Variants in ADGRL3 observed in about 807,000 individuals in gnomAD.
The protein encoded by ADGRL3 is adhesion G protein-coupled receptor L3, also known as calcium-independent alpha-latrotoxin receptor 3.
Under a neutral mutation model 153.5 loss-of-function variants are expected in ADGRL3, and 62 were observed. That is an observed-to-expected ratio of 0.40 (90% CI 0.33 to 0.50). The LOEUF (loss-of-function observed/expected upper bound fraction) is 0.50. ADGRL3 is among the 20% of genes least tolerant of loss of function. The probability of loss-of-function intolerance (pLI) is 0.47; values close to 1 mark genes in which losing one functional copy is unlikely to be tolerated. For missense variants in ADGRL3, 1,641 were observed against 1,859.4 expected, an observed-to-expected ratio of 0.88 and a Z score of 2.16; for synonymous variants, 710 against 672.5, an observed-to-expected ratio of 1.06 and a Z score of -0.86.
intron 21 of ADGRL3, among the ~76,000 whole-genome samples, chr4:62,002,472 T>C (rs2099143847): frequency 6.6e-6 from 1 of 151,634 alleles, no homozygotes; most frequent in African/African-American, 2.4e-5. Flanking sequence ...CTAAATTTAT[T>C]GCAAGTCATC....
chr4:61,858,145 T>C (rs1280591757), intron 9 of ADGRL3, among the ~76,000 whole-genome samples: 1 of 152,196 alleles, frequency 6.6e-6, no homozygotes, highest in African/African-American at 2.4e-5. Flanking sequence ...ACATAACCAA[T>C]GGCAGTAAAT....
chr4:61,714,221 G>GCACACACACACACA (rs57350284), intron 6 of ADGRL3, among the ~76,000 whole-genome samples: 3,727 of 150,834 alleles, frequency 0.025, 51 homozygotes, highest in East Asian at 0.069. Flanking sequence ...TGTAAAATAC[G>GCACACACACACACA]CACACACACA....
At chr4:61,225,801 T>C (rs192141786) in intron 1 of ADGRL3, among the ~76,000 whole-genome samples, 60 of 152,302 alleles carry the variant, frequency 3.9e-4, no homozygotes, top group Admixed American at 2.0e-3. Flanking sequence ...ACAGTCAAAA[T>C]GTTCTCCTTT....
intron 8 of ADGRL3, among the ~76,000 whole-genome samples, chr4:61,754,616 ATATT>A (rs59784397): frequency 6.6e-6 from 1 of 151,012 alleles, no homozygotes; most frequent in African/African-American, 2.4e-5. Flanking sequence ...GTATATATAT[ATATT>A]TATTTATTAT....
At chr4:61,474,278 A>G (rs997676438) in intron 2 of ADGRL3, among the ~76,000 whole-genome samples, 1 of 152,152 alleles carries the variant, frequency 6.6e-6, no homozygotes, top group Non-Finnish European at 1.5e-5. Flanking sequence ...TAAATAGGGA[A>G]AATAACAGAA....
At chr4:61,544,576 T>A (rs976577959) in intron 4 of ADGRL3, among the ~76,000 whole-genome samples, 6 of 152,216 alleles carry the variant, frequency 3.9e-5, no homozygotes, top group African/African-American at 1.4e-4. Context: ...TTTTCCCTTT[T>A]GGTTTTATAT....
intron 1 of ADGRL3, among the ~76,000 whole-genome samples, chr4:61,218,321 T>G (rs994444437): frequency 6.6e-6 from 1 of 151,940 alleles, no homozygotes; most frequent in Non-Finnish European, 1.5e-5. Context: ...TGCTTCTTTT[T>G]TTTTTTGGAG....
chr4:61,508,308 A>G (rs2098443034), intron 3 of ADGRL3, among the ~76,000 whole-genome samples: 2 of 152,218 alleles, frequency 1.3e-5, no homozygotes, highest in African/African-American at 4.8e-5. Flanking sequence ...CCAATTAAAA[A>G]GCAATCTTAA....
At chr4:61,960,116 C>G (rs570846892) in intron 17 of ADGRL3, among the ~76,000 whole-genome samples, 1 of 152,090 alleles carries the variant, frequency 6.6e-6, no homozygotes, top group African/African-American at 2.4e-5. Context: ...CAAAAGCTAA[C>G]CTTTTAGAAC....
At chr4:61,296,309 A>G (rs1578164572) in intron 1 of ADGRL3, among the ~76,000 whole-genome samples, 1 of 142,214 alleles carries the variant, frequency 7.0e-6, no homozygotes, top group Non-Finnish European at 1.6e-5. Context: ...AATGAAACAG[A>G]AGGCTGAGTG....
At chr4:61,878,379 A>C (rs1167104623) in intron 9 of ADGRL3, among the ~76,000 whole-genome samples, 1 of 152,246 alleles carries the variant, frequency 6.6e-6, no homozygotes, top group Admixed American at 6.5e-5. Flanking sequence ...TCTGCAGTCA[A>C]GTTAATGATC....
intron 19 of ADGRL3, among the ~76,000 whole-genome samples, chr4:61,992,639 A>G (rs1309279787): frequency 2.6e-5 from 4 of 152,150 alleles, no homozygotes; most frequent in Non-Finnish European, 4.4e-5. Flanking sequence ...TACTAAGTAC[A>G]TTTTACGTAT....
At chr4:61,582,937 T>C (rs2098931937) in intron 4 of ADGRL3, among the ~76,000 whole-genome samples, 2 of 152,042 alleles carry the variant, frequency 1.3e-5, no homozygotes, top group South Asian at 2.1e-4. Flanking sequence ...CTTTATATAT[T>C]AACATGATTT....
chr4:61,927,842 G>T (rs1231432987), intron 13 of ADGRL3, among the ~76,000 whole-genome samples: 2 of 151,840 alleles, frequency 1.3e-5, no homozygotes, highest in East Asian at 1.9e-4. Flanking sequence ...AAGAATTAAA[G>T]AAAATTTTGT....
At position 61,396,667 on chromosome 4, in the gene ADGRL3, T is replaced by C. The variant is rs116445994; in HGVS notation, c.-174+13478T>C. On this transcript the variant is annotated intron_variant, in intron 2 of 26. Coordinates refer to ENST00000683033, the MANE Select transcript of ADGRL3 (RefSeq NM_001387552.1). ...CCCAATCACTACCTTTTCTGTTGCA[T>C]CAAAGCTTATATCATCCAGGAGGGA... Among the ~76,000 whole-genome samples, 273 of 152,100 alleles carry C rather than the reference T, an allele frequency of 1.8e-3. 2 individuals carry two copies. The highest frequency in any genetic ancestry group is 6.4e-3 in the African/African-American group (264 of 41,556).
chr4:61,544,878 T>G (rs2098706569), intron 4 of ADGRL3, among the ~76,000 whole-genome samples: 1 of 152,246 alleles, frequency 6.6e-6, no homozygotes, highest in African/African-American at 2.4e-5. Context: ...TCACTAACAC[T>G]TTGCAATATG....
At position 62,067,051 on chromosome 4, in the gene ADGRL3, C is replaced by T. The variant is rs72640044; in HGVS notation, c.3815-1115C>T. On this transcript the variant is annotated intron_variant, in intron 25 of 26. Coordinates refer to ENST00000683033, the MANE Select transcript of ADGRL3 (RefSeq NM_001387552.1). Reference sequence around the variant, plus strand: ...TGAGCCTGCAAGCATTTACATCTCTCGATATACTGGCTTGGCCCTTCCTTT... The same window carrying T: ...TGAGCCTGCAAGCATTTACATCTCTTGATATACTGGCTTGGCCCTTCCTTT... 2.9e-3 allele frequency among the ~76,000 whole-genome samples: 439 copies of T among 152,186 alleles called. 1 individual carries two copies. The highest frequency in any genetic ancestry group is 5.7e-3 in the Admixed American group (87 of 15,260).
intron 3 of ADGRL3, among the ~76,000 whole-genome samples, chr4:61,504,480 AAT>A (rs1346924840): frequency 5.3e-5 from 8 of 152,134 alleles, no homozygotes; most frequent in African/African-American, 1.9e-4. Flanking sequence ...TGTCATCTCA[AAT>A]TTTTATTTAT....
chr4:61,819,865 T>G (rs1202472971), intron 9 of ADGRL3, among the ~76,000 whole-genome samples: 1 of 152,142 alleles, frequency 6.6e-6, no homozygotes, highest in Non-Finnish European at 1.5e-5. Context: ...TATTGGTAAC[T>G]TTGAAACTGA....
Sources: gnomAD v4.1 joint callset for allele counts (sites outside exome capture counted in the v4.1 genomes callset) on GRCh38, gnomAD v4.1.1 for gene constraint, MANE v1.5 for transcripts, NCBI Gene and HGNC (gene_info 2026-07-23, HGNC 2026-07-21) for gene names.